Variants in LSM7 observed in about 807,000 individuals in gnomAD.
The protein encoded by LSM7 is U6 snRNA-associated Sm-like protein LSm7.
In LSM7, 13 loss-of-function variants were observed where a neutral mutation model predicts 14.1. The ratio of observed to expected loss-of-function variants is 0.92; its 90% CI spans 0.60 to 1.47. The LOEUF is 1.47. Among genes scored for constraint, LSM7 ranks in the 40% most tolerant of loss-of-function variants. The probability of loss-of-function intolerance (pLI) is 0.00; values close to 1 mark genes in which losing one functional copy is unlikely to be tolerated. For synonymous variants in LSM7, 70 were observed against 57.1 expected (o/e 1.23, Z -1.02); for missense variants, 108 against 140.8 (o/e 0.77, Z 1.18).
intron 2 of LSM7, among the ~76,000 whole-genome samples, chr19:2,327,530 T>G (rs569363540): frequency 1.3e-5 from 2 of 152,138 alleles, no homozygotes; most frequent in South Asian, 4.1e-4. Context: ...CATGAGCCAC[T>G]GTGCCTGGCC....
At chr19:2,328,146 A>G in intron 2 of LSM7, 1 of 491,484 alleles carries the variant, frequency 2.0e-6, no homozygotes, top group South Asian at 2.5e-5. Flanking sequence ...GGTGGTACAC[A>G]TTAATTCCAG....
rs1480228550 is a variant in LSM7 at position 2,324,122 on chromosome 19, C to CA, written c.169+2dup. On this transcript the variant is annotated splice_region_variant and intron_variant, in intron 3 of 3. Transcript: ENST00000252622. ...TGCCTGCCTCGGCCGCCACCCCACT[C>CA]ACCTCGCATGTACTCAATGGTGCCG... 1 of 1,561,318 alleles carries CA rather than the reference C, an allele frequency of 6.4e-7. No individual in the cohort carries two copies. The highest frequency in any genetic ancestry group is 8.7e-7 in the Non-Finnish European group (1 of 1,153,404).
Position 2,321,664 on chromosome 19 carries a change from CGCGCCCCCG to C in LSM7, c.*7_*15del, listed in dbSNP as rs768530303. On this transcript the variant is annotated 3_prime_UTR_variant, in exon 4 of 4. Coordinates refer to ENST00000252622, the MANE Select transcript of LSM7 (RefSeq NM_016199.3). This position sits in a 1 kb window ranked among gnomAD's most constrained non-coding sequence, Gnocchi z 5.0. ...CTGCTCGGGCCTGCCCTGCACCCCC[CGCGCCCCCG>C]GCCAGGCTAGGCGTCCTGCTGCTGG... The C allele has an allele frequency of 3.4e-6, 5 of 1,486,548 alleles. No homozygotes were observed. In the South Asian group the frequency reaches 6.7e-5, roughly 20 times the overall value. 92.1% of individuals were successfully genotyped at this position (1,486,548 alleles called of 1,614,324 possible).
rs1368712110 is a variant in LSM7 at position 2,324,193 on chromosome 19, C to G, written c.101G>C (p.Ser34Thr). 13 of 1,577,538 alleles carry G rather than the reference C, an allele frequency of 8.2e-6. No individual in the cohort carries two copies. Among genetic ancestry groups the G allele is most frequent in the Non-Finnish European group, 1.1e-5 (13 of 1,162,032 alleles). The change falls in exon 3 of 4, where the codon AGT (serine) becomes ACT (threonine). Residue 34 changes from serine (S) to threonine (T), a missense_variant. Coordinates refer to ENST00000252622, the MANE Select transcript of LSM7 (RefSeq NM_016199.3). ...RVKFQGGREA[S>T]GILKGFDPLL... ...TGGGTCGAAGCCCTTCAGGATTCCA[C>G]TGGCTTGGAGAAATCACCGGGGGAG...
rs926473092 is a variant in LSM7, at chr19:2,321,572, G to C, written c.*108C>G. ...ACAAAAATTCAACCTATACAAAAAG[G>C]AAAATGCTTCCGTTCCAGGAGGCGG... On this transcript the variant is annotated 3_prime_UTR_variant, in exon 4 of 4. Transcript: ENST00000252622. This position sits in a 1 kb window ranked among gnomAD's most constrained non-coding sequence, Gnocchi z 5.0. The C allele has an allele frequency of 3.8e-5, 46 of 1,201,570 alleles. No homozygotes were observed. In the Admixed American group the frequency reaches 9.4e-4, roughly 25 times the overall value. 74.4% of individuals were successfully genotyped at this position (1,201,570 alleles called of 1,614,324 possible). A position where few individuals can be genotyped will look rare whatever the true frequency, so the allele number is the denominator to read the frequency against.
intron 3 of LSM7, among the ~76,000 whole-genome samples, chr19:2,323,448 C>T (rs1433393783): frequency 2.0e-5 from 3 of 152,152 alleles, no homozygotes; most frequent in Admixed American, 2.0e-4. Flanking sequence ...ACAGTGAGAC[C>T]TCAGCTTATC....
At chr19:2,324,057 TCCCGCTGCCCCCCTCAC>T in intron 3 of LSM7, 51 bp downstream of exon 3, 1 of 291,476 alleles carries the variant, frequency 3.4e-6, no homozygotes, top group Non-Finnish European at 6.6e-6. Context: ...GCCCCCCTCG[TCCCGCTGCCCCCCTCAC>T]CCCACTATCC....
At chr19:2,325,398 C>G (rs981291087) in intron 2 of LSM7, among the ~76,000 whole-genome samples, 2 of 131,328 alleles carry the variant, frequency 1.5e-5, no homozygotes, top group African/African-American at 5.1e-5. Context: ...GCAGCCACCC[C>G]CTCCCTGCTC....
chr19:2,326,603 T>G (rs1176182148), intron 2 of LSM7, among the ~76,000 whole-genome samples: 1 of 152,242 alleles, frequency 6.6e-6, no homozygotes, highest in Non-Finnish European at 1.5e-5. Context: ...CCCAAAGTGC[T>G]GGGATTACAG....
chr19:2,324,065 CCCCCCTCACCCCACTAT>C (rs1412736418), intron 3 of LSM7, 43 bp downstream of exon 3: 3 of 528,330 alleles, frequency 5.7e-6, no homozygotes, highest in East Asian at 1.2e-4. Flanking sequence ...CGTCCCGCTG[CCCCCCTCACCCCACTAT>C]CCCCCTCGTC....
intron 3 of LSM7, among the ~76,000 whole-genome samples, chr19:2,322,209 C>T (rs553206998): frequency 9.2e-5 from 14 of 152,296 alleles, no homozygotes; most frequent in African/African-American, 3.1e-4. Context: ...TCTGCAAGGT[C>T]CCTGGAGCCC....
intron 2 of LSM7, among the ~76,000 whole-genome samples, chr19:2,325,065 G>A (rs529330065): frequency 6.6e-6 from 1 of 152,288 alleles, no homozygotes; most frequent in South Asian, 2.1e-4. Context: ...GAGATGCTCT[G>A]AGACCCAGGT....
intron 3 of LSM7, among the ~76,000 whole-genome samples, chr19:2,322,402 G>C (rs988836462): frequency 1.1e-4 from 17 of 152,180 alleles, no homozygotes; most frequent in African/African-American, 3.6e-4. Context: ...TTAGCCGGGC[G>C]TGGTGGCAGG....
intron 2 of LSM7, among the ~76,000 whole-genome samples, chr19:2,325,652 G>A (rs1215377315): frequency 2.6e-5 from 2 of 76,502 alleles, no homozygotes; most frequent in Non-Finnish European, 7.7e-5. Context: ...CGCCCTGTGC[G>A]GTGGTGCGGG....
chr19:2,328,121 A>G lies in LSM7; in HGVS notation c.97+266T>C, dbSNP rs1465480286. 2.6e-5 allele frequency: 10 copies of G among 388,884 alleles called. No individual in the cohort carries two copies. In the South Asian group the frequency reaches 2.9e-4, roughly 11 times the overall value. The allele number at this position is 388,884 out of a possible 1,614,324, so 24.1% of individuals were successfully genotyped here. ...CATGGCCTCTCTACTAAAAATACAA[A>G]TATTAGCCGGGCGTGGTGGTACACA... On this transcript the variant is annotated intron_variant, in intron 2 of 3. Coordinates refer to ENST00000252622, the MANE Select transcript of LSM7 (RefSeq NM_016199.3).
chr19:2,327,044 C>A (rs925010696), intron 2 of LSM7, among the ~76,000 whole-genome samples: 5 of 152,198 alleles, frequency 3.3e-5, no homozygotes, highest in African/African-American at 1.2e-4. Flanking sequence ...TCAGTTACAA[C>A]CTCCTGAGAG....
At chr19:2,323,118 T>C (rs55738540) in intron 3 of LSM7, among the ~76,000 whole-genome samples, 2,898 of 152,200 alleles carry the variant, frequency 0.019, 49 homozygotes, top group African/African-American at 0.034. Context: ...GGATGGGGAC[T>C]TGCCAGCTGG....
At chr19:2,322,591 GCTGGCACC>G (rs1967951476) in intron 3 of LSM7, among the ~76,000 whole-genome samples, 2 of 152,116 alleles carry the variant, frequency 1.3e-5, no homozygotes, top group South Asian at 4.1e-4. Context: ...GACCATGTGG[GCTGGCACC>G]CCAGGGAAGT....
At chr19:2,326,312 T>TTTTGTGTG (rs1491525398) in intron 2 of LSM7, among the ~76,000 whole-genome samples, 23 of 129,782 alleles carry the variant, frequency 1.8e-4, no homozygotes, top group South Asian at 5.1e-4. Flanking sequence ...TTTCTGCTTT[T>TTTTGTGTG]TGTGTGTGTG....
Sources: gnomAD v4.1 joint callset for allele counts (sites outside exome capture counted in the v4.1 genomes callset) on GRCh38, gnomAD v4.1.1 for gene constraint, Gnocchi (gnomAD v3.1) non-coding constraint, MANE v1.5 for transcripts, NCBI Gene and HGNC (gene_info 2026-07-23, HGNC 2026-07-21) for gene names.